The following TRIB1 variants were observed in gnomAD, a reference collection of about 807,000 sequenced individuals.
The protein encoded by TRIB1 is tribbles homolog 1.
Under a neutral mutation model 27.8 loss-of-function variants are expected in TRIB1, and 12 were observed. The observed-to-expected ratio is 0.43, with a 90% CI of 0.28 to 0.70. The LOEUF is 0.70. Ranked by LOEUF, TRIB1 falls within the 30% of genes least tolerant of loss-of-function variation. TRIB1 has a pLI of 0.18. For synonymous variants in TRIB1, 230 were observed against 224.9 expected (o/e 1.02, Z -0.20); for missense variants, 475 against 515.8 (o/e 0.92, Z 0.77).
In TRIB1 at chr8:125,433,752, G is replaced by A; in HGVS notation, c.653+143G>A. 9.3e-7 allele frequency: 1 copy of A among 1,071,790 alleles called. No individual in the cohort carries two copies. The highest frequency in any genetic ancestry group is 1.6e-5 in the South Asian group (1 of 60,876). The allele number at this position is 1,071,790 out of a possible 1,614,324, so 66.4% of individuals were successfully genotyped here. On this transcript the variant is annotated intron_variant, in intron 2 of 2. Coordinates refer to ENST00000311922, the MANE Select transcript of TRIB1 (RefSeq NM_025195.4). The surrounding 1 kb of genome is among the most constrained non-coding windows in gnomAD (Gnocchi z 4.4). ...TTTAGTATTTAGAGCTTCTGTTCCT[G>A]AGGAGTCACAGCCAAGGTTGGTTTA...
Position 125,433,222 on chromosome 8 carries a change from C to T in TRIB1, c.361-95C>T. 3.8e-6 allele frequency: 5 copies of T among 1,332,154 alleles called. No homozygotes were observed. The South Asian group carries it at 5.5e-5, about 15-fold the overall frequency. 82.5% of individuals were successfully genotyped at this position (1,332,154 alleles called of 1,614,324 possible). On this transcript the variant is annotated intron_variant, in intron 1 of 2. Coordinates refer to ENST00000311922, the MANE Select transcript of TRIB1 (RefSeq NM_025195.4). This position sits in a 1 kb window ranked among gnomAD's most constrained non-coding sequence, Gnocchi z 4.4. ...AATGGAACTTACTCACATCCTAAGC[C>T]CACAGGTTGAGAACTTCTGTTCAGC...
chr8:125,432,222 C>T, intron 1 of TRIB1: 2 of 984,788 alleles, frequency 2.0e-6, no homozygotes, highest in Non-Finnish European at 2.4e-6. Context: ...CTGCCCAACC[C>T]GAATGAAATT....
chr8:125,433,619 C>T lies in TRIB1; in HGVS notation c.653+10C>T, dbSNP rs1353557163. On this transcript the variant is annotated intron_variant, in intron 2 of 2. Coordinates refer to ENST00000311922, the MANE Select transcript of TRIB1 (RefSeq NM_025195.4). The surrounding 1 kb of genome is among the most constrained non-coding windows in gnomAD (Gnocchi z 4.4). ...TCTCCACGGAGGAGAGGTGAGCGGC[C>T]GCCACAGCTTCTCCTGTGGCCTTTT... The T allele has an allele frequency of 2.5e-6, 4 of 1,597,850 alleles. No homozygotes were observed. The highest frequency in any genetic ancestry group is 2.3e-5 in the East Asian group (1 of 44,442).
At position 125,431,088 on chromosome 8, in the gene TRIB1, C is replaced by A; in HGVS notation, c.186C>A (p.Pro62=). ...CCAGCCCCCCGGACTACCTCAGCCCCCCCGGCTCGCCCTGCAGCCCGCAGC... is the reference window on the plus strand; with the variant it reads ...CCAGCCCCCCGGACTACCTCAGCCCACCCGGCTCGCCCTGCAGCCCGCAGC... ...ECSSPPDYLS[P]PGSPCSPQPP... Residue 62 remains proline, a synonymous_variant, in exon 1 of 3, where the codon CCC becomes CCA. Transcript: ENST00000311922. 7.2e-7 allele frequency: 1 copy of A among 1,383,302 alleles called. No individual in the cohort carries two copies. Among genetic ancestry groups the A allele is most frequent in the South Asian group, 1.6e-5 (1 of 61,292 alleles). 85.7% of individuals were successfully genotyped at this position (1,383,302 alleles called of 1,614,324 possible). A position where few individuals can be genotyped will look rare whatever the true frequency, so the allele number is the denominator to read the frequency against.
rs1280631258 is a variant in TRIB1, at chr8:125,437,794, T to A, written c.*1323T>A. ...CTCCCCTACAAAAGATGGAGCTTAA[T>A]GGAGAAATTGCAACTTTCATTAAAA... On this transcript the variant is annotated 3_prime_UTR_variant, in exon 3 of 3. Coordinates refer to ENST00000311922, the MANE Select transcript of TRIB1 (RefSeq NM_025195.4). The A allele has an allele frequency of 2.6e-5, 4 of 152,694 alleles. No individual in the cohort carries two copies. Among genetic ancestry groups the A allele is most frequent in the Non-Finnish European group, 5.9e-5 (4 of 68,028 alleles). The allele number at this position is 152,694 out of a possible 1,614,324, so 9.5% of individuals were successfully genotyped here.
chr8:125,434,050 C>T (rs543202013), intron 2 of TRIB1, among the ~76,000 whole-genome samples: 55 of 152,210 alleles, frequency 3.6e-4, no homozygotes, highest in Non-Finnish European at 7.1e-4. Flanking sequence ...GAATTCCACC[C>T]TCTTGTTTCA....
At position 125,430,513 on chromosome 8, in the gene TRIB1, C is replaced by T; in HGVS notation, c.-390C>T. On this transcript the variant is annotated 5_prime_UTR_variant, in exon 1 of 3. Transcript: ENST00000311922. ...GGGAAGTGCATTTGCTTCGTGGCTC[C>T]GCCGAGCCTGCTGAATCCTGTCCTC... The T allele has an allele frequency of 5.4e-6, 1 of 183,898 alleles. No homozygotes were observed. 11.4% of individuals were successfully genotyped at this position (183,898 alleles called of 1,614,324 possible). A position where few individuals can be genotyped will look rare whatever the true frequency, so the allele number is the denominator to read the frequency against.
Position 125,436,605 on chromosome 8 carries a change from C to T in TRIB1, c.*134C>T, listed in dbSNP as rs1176074010. On this transcript the variant is annotated 3_prime_UTR_variant, in exon 3 of 3. Coordinates refer to ENST00000311922, the MANE Select transcript of TRIB1 (RefSeq NM_025195.4). ...GAAAGCTGCTGAACTCGGCATGGCG[C>T]CTCCTCTTCTCTGTTGGGATGAGTG... 7.7e-6 allele frequency: 6 copies of T among 782,314 alleles called. No homozygotes were observed. The highest frequency in any genetic ancestry group is 5.4e-5 in the Admixed American group (2 of 37,082). 48.5% of individuals were successfully genotyped at this position (782,314 alleles called of 1,614,324 possible).
At position 125,431,013 on chromosome 8, in the gene TRIB1, C is replaced by A; in HGVS notation, c.111C>A (p.Ala37=). 2.0e-6 allele frequency: 3 copies of A among 1,464,296 alleles called. No homozygotes were observed. Among genetic ancestry groups the A allele is most frequent in the Non-Finnish European group, 2.7e-6 (3 of 1,116,218 alleles). The allele number at this position is 1,464,296 out of a possible 1,614,324, so 90.7% of individuals were successfully genotyped here. The change falls in exon 1 of 3, where the codon GCC becomes GCA. Residue 37 remains alanine, a synonymous_variant. Coordinates refer to ENST00000311922, the MANE Select transcript of TRIB1 (RefSeq NM_025195.4). ...RGVPAKRLLD[A]DDAAAVAAKC... ...TCCCGGCCAAACGCCTGCTGGACGC[C>A]GACGACGCGGCGGCTGTGGCGGCCA...
In TRIB1 at chr8:125,430,730, C is replaced by G. The variant is rs886993118; in HGVS notation, c.-173C>G. 6 of 868,160 alleles carry G rather than the reference C, an allele frequency of 6.9e-6. No individual in the cohort carries two copies. The highest frequency in any genetic ancestry group is 4.4e-5 in the Admixed American group (1 of 22,934). The allele number at this position is 868,160 out of a possible 1,614,324, so 53.8% of individuals were successfully genotyped here. Reference sequence around the variant, plus strand: ...GCCAGCGTGGTCCCCGCGTGCAACGCGAGCGCCGGGGAGTGGCTCCTGCTT... The same window carrying G: ...GCCAGCGTGGTCCCCGCGTGCAACGGGAGCGCCGGGGAGTGGCTCCTGCTT... On this transcript the variant is annotated 5_prime_UTR_variant, in exon 1 of 3. Coordinates refer to ENST00000311922, the MANE Select transcript of TRIB1 (RefSeq NM_025195.4).
chr8:125,437,179 A>G lies in TRIB1; in HGVS notation c.*708A>G, dbSNP rs1162662269. Reference sequence around the variant, plus strand: ...ACTTACCAGCCGAACGTGGAACAGTATCACAAAAGATTCCATCTCCCAACG... The same window carrying G: ...ACTTACCAGCCGAACGTGGAACAGTGTCACAAAAGATTCCATCTCCCAACG... On this transcript the variant is annotated 3_prime_UTR_variant, in exon 3 of 3. Transcript: ENST00000311922. 1.3e-5 allele frequency: 2 copies of G among 152,444 alleles called. No homozygotes were observed. Among genetic ancestry groups the G allele is most frequent in the Non-Finnish European group, 1.5e-5 (1 of 68,082 alleles). 9.4% of individuals were successfully genotyped at this position (152,444 alleles called of 1,614,324 possible). A position where few individuals can be genotyped will look rare whatever the true frequency, so the allele number is the denominator to read the frequency against.
chr8:125,436,568 C>A lies in TRIB1; in HGVS notation c.*97C>A. On this transcript the variant is annotated 3_prime_UTR_variant, in exon 3 of 3. Transcript: ENST00000311922. ...TGGCGTGGTACCAACCAGATAATGA[C>A]TGCATCAGGATGAAAGCTGCTGAAC... 1 of 1,192,558 alleles carries A rather than the reference C, an allele frequency of 8.4e-7. No homozygotes were observed. The highest frequency in any genetic ancestry group is 2.2e-5 in the Admixed American group (1 of 45,604). The allele number at this position is 1,192,558 out of a possible 1,614,324, so 73.9% of individuals were successfully genotyped here.
In TRIB1 at chr8:125,430,598, T is replaced by TCC; in HGVS notation, c.-304_-303insCC. 1.4e-5 allele frequency: 4 copies of TCC among 292,746 alleles called. No individual in the cohort carries two copies. The highest frequency in any genetic ancestry group is 5.3e-5 in the Admixed American group (1 of 18,988). 18.1% of individuals were successfully genotyped at this position (292,746 alleles called of 1,614,324 possible). On this transcript the variant is annotated 5_prime_UTR_variant, in exon 1 of 3. Transcript: ENST00000311922. ...GCCGCCGCCTCTGCCTCCCGGACTA[T>TCC]CGGCAGCCTCGGCAACAATAGTGGC...
Position 125,436,135 on chromosome 8 carries a change from CGGAAA to C in TRIB1, c.786_790del (p.Lys263CysfsTer22). Reference sequence around the variant, plus strand: ...TCCTCAACACCACTGGGACCTACTCCGGAAAGGCTGCGGACGTTTGGAGCCTGGGG... The same window carrying C: ...TCCTCAACACCACTGGGACCTACTCCGGCTGCGGACGTTTGGAGCCTGGGG... On this transcript the variant is annotated frameshift_variant, in exon 3 of 3. Transcript: ENST00000311922. LOFTEE classifies it high-confidence loss of function. 1 of 1,614,208 alleles carries C rather than the reference CGGAAA, an allele frequency of 6.2e-7. No individual in the cohort carries two copies. The highest frequency in any genetic ancestry group is 8.5e-7 in the Non-Finnish European group (1 of 1,180,026).
In TRIB1 at chr8:125,438,233, C is replaced by T. The variant is rs1427086654; in HGVS notation, c.*1762C>T. 8 of 152,650 alleles carry T rather than the reference C, an allele frequency of 5.2e-5. No homozygotes were observed. Among genetic ancestry groups the T allele is most frequent in the East Asian group, 1.9e-4 (1 of 5,330 alleles). The allele number at this position is 152,650 out of a possible 1,614,324, so 9.5% of individuals were successfully genotyped here. The stretch of plus-strand genomic sequence containing the variant: ...TCGCACTAACGCTCTCGTGGTTGCT[C>T]GACTGTTGTATCTGTGATACATTAT... On this transcript the variant is annotated 3_prime_UTR_variant, in exon 3 of 3. Transcript: ENST00000311922.
In TRIB1 at chr8:125,437,969, C is replaced by T; in HGVS notation, c.*1498C>T. ...TATGCCTAGGCAAACTACTAACATG[C>T]ATTGTGAGAATGCCGTGTATACCTC... On this transcript the variant is annotated 3_prime_UTR_variant, in exon 3 of 3. Coordinates refer to ENST00000311922, the MANE Select transcript of TRIB1 (RefSeq NM_025195.4). 1 of 152,788 alleles carries T rather than the reference C, an allele frequency of 6.5e-6. No individual in the cohort carries two copies. The highest frequency in any genetic ancestry group is 1.5e-5 in the Non-Finnish European group (1 of 68,048). The allele number at this position is 152,788 out of a possible 1,614,324, so 9.5% of individuals were successfully genotyped here.
In TRIB1 at chr8:125,436,448, G is replaced by C; in HGVS notation, c.1096G>C (p.Asp366His). ...TGTTCCAGAGTACCAGGAGGACAGT[G>C]ACATTAGTTCCTTCTTCTGCTAATC... Reference protein sequence around the residue: ...QIVPEYQEDSDISSFFC With the variant: ...QIVPEYQEDSHISSFFC Residue 366 changes from aspartate (D) to histidine (H), a missense_variant, in exon 3 of 3, where the codon GAC becomes CAC. Asp to His is a moderately conservative substitution (Grantham distance 81). Transcript: ENST00000311922. The C allele has an allele frequency of 1.2e-6, 2 of 1,613,968 alleles. No homozygotes were observed. The highest frequency in any genetic ancestry group is 1.7e-6 in the Non-Finnish European group (2 of 1,179,970).
At chr8:125,431,580 C>T (rs1814657768) in intron 1 of TRIB1, among the ~76,000 whole-genome samples, 2 of 152,186 alleles carry the variant, frequency 1.3e-5, no homozygotes, top group Admixed American at 1.3e-4. Flanking sequence ...CATGCCATTC[C>T]CCTTCTCTCA....
At position 125,431,026 on chromosome 8, in the gene TRIB1, G is replaced by T. The variant is rs770314650; in HGVS notation, c.124G>T (p.Ala42Ser). The change falls in exon 1 of 3, where the codon GCT becomes TCT. Residue 42 changes from alanine to serine, a missense_variant. Transcript: ENST00000311922. ...KRLLDADDAA[A>S]VAAKCPRLSE... ...CCTGCTGGACGCCGACGACGCGGCG[G>T]CTGTGGCGGCCAAGTGCCCGCGCCT... The T allele has an allele frequency of 2.1e-4, 314 of 1,460,830 alleles. No homozygotes were observed. Among genetic ancestry groups the T allele is most frequent in the Non-Finnish European group, 2.5e-4 (284 of 1,114,428 alleles). The allele number at this position is 1,460,830 out of a possible 1,614,324, so 90.5% of individuals were successfully genotyped here. A position where few individuals can be genotyped will look rare whatever the true frequency, so the allele number is the denominator to read the frequency against.
Sources: gnomAD v4.1 joint callset for allele counts (sites outside exome capture counted in the v4.1 genomes callset) on GRCh38, gnomAD v4.1.1 for gene constraint, Gnocchi (gnomAD v3.1) non-coding constraint, MANE v1.5 for transcripts, NCBI Gene and HGNC (gene_info 2026-07-23, HGNC 2026-07-21) for gene names.